The following COL1A2 variants were observed in gnomAD, a reference collection of about 807,000 sequenced individuals.
COL1A2 encodes the protein collagen type I alpha 2 chain.
A neutral mutation model predicts 174.3 loss-of-function variants in COL1A2; 49 were observed. That is an observed-to-expected ratio of 0.28 (90% CI 0.22 to 0.36). The LOEUF is 0.36. Ranked by LOEUF, COL1A2 falls within the 10% of genes least tolerant of loss-of-function variation. The probability of loss-of-function intolerance (pLI) is 1.00; values close to 1 mark genes in which losing one functional copy is unlikely to be tolerated. For synonymous variants in COL1A2, 655 were observed against 606.6 expected (o/e 1.08, Z -1.17); for missense variants, 1,438 against 1,822.7 (o/e 0.79, Z 3.84).
At chr7:94,413,550 G>C in intron 26 of COL1A2, 140 bp from the exon 27 acceptor site, 1 of 817,612 alleles carries the variant, frequency 1.2e-6, no homozygotes, top group Non-Finnish European at 2.1e-6. Flanking sequence ...CAGTATTTGG[G>C]CTTTCGTGGG....
chr7:94,406,256 A>G lies in COL1A2; in HGVS notation c.547A>G (p.Asn183Asp). 1 of 1,613,896 alleles carries G rather than the reference A, an allele frequency of 6.2e-7. No homozygotes were observed. Among genetic ancestry groups the G allele is most frequent in the Non-Finnish European group, 8.5e-7 (1 of 1,179,814 alleles). ...AATAAGGCTTTCCTTTCAGGGACAC[A>G]ATGGTCTGGATGGATTGAAGGGACA... ...LPGFKGIRGHNGLDGLKGQPG... is the reference protein window; with the variant it reads ...LPGFKGIRGHDGLDGLKGQPG... The change falls in exon 12 of 52, where the codon AAT becomes GAT. Residue 183 changes from asparagine to aspartate, a missense_variant. By Grantham distance (23) the Asn-to-Asp change is conservative (BLOSUM62 1). Transcript: ENST00000297268.
chr7:94,430,432 A>C lies in COL1A2; in HGVS notation c.*39A>C, dbSNP rs1232706394. The C allele has an allele frequency of 1.2e-6, 2 of 1,602,680 alleles. No individual in the cohort carries two copies. Among genetic ancestry groups the C allele is most frequent in the Admixed American group, 1.7e-5 (1 of 59,410 alleles). The stretch of plus-strand genomic sequence containing the variant: ...AAATTAAAAAAGAAAGAAATTTGAA[A>C]AAACTTTCTCTTTGCCATTTCTTCT... On this transcript the variant is annotated 3_prime_UTR_variant, in exon 52 of 52. Transcript: ENST00000297268.
At chr7:94,427,446 G>A (rs1792302397) in intron 48 of COL1A2, 151 bp downstream of exon 48, 3 of 1,036,960 alleles carry the variant, frequency 2.9e-6, no homozygotes, top group African/African-American at 3.2e-5. Flanking sequence ...TATGCAATGG[G>A]CTTGTTAAGT....
intron 1 of COL1A2, 84 bp downstream of exon 1, chr7:94,395,185 A>G: frequency 8.8e-7 from 1 of 1,129,978 alleles, no homozygotes. Context: ...AAAACCTGTA[A>G]CCTGAATTCC....
In COL1A2 at chr7:94,404,904, C is replaced by T. The variant is rs1451288338; in HGVS notation, c.432+12C>T. 3 of 1,613,514 alleles carry T rather than the reference C, an allele frequency of 1.9e-6. No individual in the cohort carries two copies. The Admixed American group carries it at 5.0e-5, about 27-fold the overall frequency. On this transcript the variant is annotated intron_variant, in intron 9 of 51. Transcript: ENST00000297268. ...AGGCTGGTGAAGATGTAAGTATTTACTCTTAAGCACTTTCAAAATGCTATT... is the reference window on the plus strand; with the variant it reads ...AGGCTGGTGAAGATGTAAGTATTTATTCTTAAGCACTTTCAAAATGCTATT...
Position 94,413,705 on chromosome 7 carries a change from G to T in COL1A2, c.1573G>T (p.Asp525Tyr), listed in dbSNP as rs147074348. 4 of 1,614,106 alleles carry T rather than the reference G, an allele frequency of 2.5e-6. No individual in the cohort carries two copies. The highest frequency in any genetic ancestry group is 1.3e-5 in the African/African-American group (1 of 74,932). ...ATATTTTTAGGGTGCTCCAGGTCCT[G>T]ATGGAAACAATGGTGCTCAGGGACC... ...LAGARGAPGP[D>Y]GNNGAQGPPG... The change falls in exon 27 of 52, where the codon GAT (aspartate) becomes TAT (tyrosine). Residue 525 changes from aspartate (D) to tyrosine (Y), a missense_variant. Physicochemically the swap from Asp to Tyr is radical, Grantham distance 160. Around this residue, in one of 3 missense-constraint regions of COL1A2, gnomAD observed 867 missense variants for 1,213.7 expected, o/e 0.71. Coordinates refer to ENST00000297268, the MANE Select transcript of COL1A2 (RefSeq NM_000089.4).
At chr7:94,408,740 A>G (rs1283496132) in intron 15 of COL1A2, 30 bp from the exon 16 acceptor site, 1 of 1,613,250 alleles carries the variant, frequency 6.2e-7, no homozygotes, top group Non-Finnish European at 8.5e-7. Context: ...CTTGGAGGAA[A>G]TTTCTTACCA....
chr7:94,425,928 G>C, intron 44 of COL1A2, 70 bp from the exon 45 acceptor site: 1 of 1,603,152 alleles, frequency 6.2e-7, no homozygotes, highest in Non-Finnish European at 8.5e-7. Context: ...CCCACACTTG[G>C]GGATGGTGGA....
At chr7:94,418,405 A>T in intron 32 of COL1A2, 94 bp from the exon 33 acceptor site, 1 of 957,056 alleles carries the variant, frequency 1.0e-6, no homozygotes, top group Non-Finnish European at 1.7e-6. Context: ...AAGGTATCAT[A>T]GCATCTTCTG....
At chr7:94,414,367 A>C (rs1005335312) in intron 29 of COL1A2, 92 bp downstream of exon 29, 6 of 1,191,550 alleles carry the variant, frequency 5.0e-6, no homozygotes, top group Non-Finnish European at 7.4e-6. Flanking sequence ...ATAATATGTA[A>C]AAGAAAATTT....
intron 21 of COL1A2, 57 bp from the exon 22 acceptor site, chr7:94,410,832 C>A: frequency 6.3e-7 from 1 of 1,577,708 alleles, no homozygotes; most frequent in East Asian, 2.2e-5. Context: ...ACAAACTCTA[C>A]CTTATCAAAG....
intron 39 of COL1A2, 42 bp downstream of exon 39, chr7:94,421,994 A>T (rs1792173935): frequency 6.4e-7 from 1 of 1,568,274 alleles, no homozygotes; most frequent in East Asian, 2.2e-5. Flanking sequence ...TACTCTAGCC[A>T]AAAGGCCTGG....
Position 94,429,274 on chromosome 7 carries a change from G to A in COL1A2, c.3798G>A (p.Gln1266=), listed in dbSNP as rs6946518. The A allele has an allele frequency of 2.5e-6, 4 of 1,614,014 alleles. No homozygotes were observed. The highest frequency in any genetic ancestry group is 3.4e-6 in the Non-Finnish European group (4 of 1,179,984). Residue 1266 remains glutamine (Q), a synonymous_variant, in exon 51 of 52, where the codon CAG becomes CAA. Transcript: ENST00000297268. ...FMRLLANYAS[Q]NITYHCKNSI... The stretch of plus-strand genomic sequence containing the variant: ...GCCTGCTGGCCAACTATGCCTCTCA[G>A]AACATCACCTACCACTGCAAGAACA...
intron 51 of COL1A2, 74 bp downstream of exon 51, chr7:94,429,504 G>T (rs762180578): frequency 5.1e-6 from 8 of 1,554,336 alleles, no homozygotes; most frequent in Non-Finnish European, 7.1e-6. Context: ...CTGCCCCCAA[G>T]GGGGGGTCTA....
chr7:94,428,274 A>T lies in COL1A2; in HGVS notation c.3527-19A>T. The T allele has an allele frequency of 6.3e-7, 1 of 1,591,326 alleles. No individual in the cohort carries two copies. Among genetic ancestry groups the T allele is most frequent in the East Asian group, 2.2e-5 (1 of 44,776 alleles). On this transcript the variant is annotated intron_variant, in intron 49 of 51. Coordinates refer to ENST00000297268, the MANE Select transcript of COL1A2 (RefSeq NM_000089.4). Reference sequence around the variant, plus strand: ...GCTCAATGAGAAGTTTCATGATCTGAATGTTATTTTCTTAAAAGGTTACTA... The same window carrying T: ...GCTCAATGAGAAGTTTCATGATCTGTATGTTATTTTCTTAAAAGGTTACTA...
rs766541855 is a variant in COL1A2, at chr7:94,422,977, T to C, written c.2424T>C (p.Gly808=). The C allele has an allele frequency of 4.3e-6, 7 of 1,613,964 alleles. No homozygotes were observed. The Admixed American group carries it at 1.2e-4, about 27-fold the overall frequency. The change falls in exon 40 of 52, where the codon GGT becomes GGC. Residue 808 remains glycine (G), a synonymous_variant. Transcript: ENST00000297268. The stretch of plus-strand genomic sequence containing the variant: ...CATAGGGTATTTCTGGCCCTCCTGG[T>C]CCCCCTGGTCCTGCTGGGAAAGAAG... The part of the protein sequence containing the change: ...PGPSGISGPP[G]PPGPAGKEGL...
At chr7:94,423,168 TA>T (rs762817253) in intron 40 of COL1A2, 50 bp downstream of exon 40, 49 of 1,601,016 alleles carry the variant, frequency 3.1e-5, no homozygotes, top group Non-Finnish European at 4.0e-5. Flanking sequence ...TGAATTAAAA[TA>T]AAGCCCCTAC....
At chr7:94,402,966 G>T (rs548052630) in intron 6 of COL1A2, among the ~76,000 whole-genome samples, 123 of 152,214 alleles carry the variant, frequency 8.1e-4, no homozygotes, top group African/African-American at 2.9e-3. Flanking sequence ...TTTTCTGGTA[G>T]TTTAAAATGT....
At chr7:94,425,444 C>A in intron 42 of COL1A2, 166 bp from the exon 43 acceptor site, 2 of 866,564 alleles carry the variant, frequency 2.3e-6, no homozygotes, top group South Asian at 1.5e-5. Context: ...TTTAAAACAT[C>A]TCTAAAAAAT....
Sources: gnomAD v4.1 joint callset for allele counts (sites outside exome capture counted in the v4.1 genomes callset) on GRCh38, gnomAD v4.1.1 for gene constraint, gnomAD v4.1.1 regional missense constraint, MANE v1.5 for transcripts, NCBI Gene and HGNC (gene_info 2026-07-23, HGNC 2026-07-21) for gene names.